The following SYT10 variants were observed in gnomAD, a reference collection of about 807,000 sequenced individuals.
SYT10 encodes synaptotagmin 10.
A neutral mutation model predicts 51.1 loss-of-function variants in SYT10; 31 were observed. That is an observed-to-expected ratio of 0.61 (90% CI 0.46 to 0.82). The LOEUF is 0.82. SYT10 is among the 40% of genes least tolerant of loss of function. The probability of loss-of-function intolerance (pLI) is 0.00; values close to 1 mark genes in which losing one functional copy is unlikely to be tolerated. For missense variants in SYT10, 603 were observed against 634.0 expected (o/e 0.95, Z 0.53); for synonymous variants, 233 against 225.9 (o/e 1.03, Z -0.28).
At chr12:33,414,634 G>T (rs2138422429) in intron 2 of SYT10, among the ~76,000 whole-genome samples, 1 of 152,318 alleles carries the variant, frequency 6.6e-6, no homozygotes, top group Non-Finnish European at 1.5e-5. Context: ...AAACCAGTGA[G>T]AACAAAGCCA....
At chr12:33,418,011 T>C (rs1455256844) in intron 2 of SYT10, among the ~76,000 whole-genome samples, 2 of 152,342 alleles carry the variant, frequency 1.3e-5, no homozygotes, top group South Asian at 2.1e-4. Context: ...TTCTCTAACA[T>C]ATTTGCAGCA....
chr12:33,434,612 C>T (rs1260186424), intron 1 of SYT10, among the ~76,000 whole-genome samples: 1 of 151,984 alleles, frequency 6.6e-6, no homozygotes, highest in Non-Finnish European at 1.5e-5. Context: ...GAGACCAGCC[C>T]GGCCAACATG....
intron 2 of SYT10, among the ~76,000 whole-genome samples, chr12:33,417,361 A>G (rs1245538789): frequency 6.6e-6 from 1 of 152,188 alleles, no homozygotes; most frequent in Non-Finnish European, 1.5e-5. Flanking sequence ...CTAGCATATT[A>G]GCATACTCTG....
intron 1 of SYT10, among the ~76,000 whole-genome samples, chr12:33,434,593 C>G (rs1334511507): frequency 1.3e-5 from 2 of 152,110 alleles, no homozygotes; most frequent in Non-Finnish European, 1.5e-5. Context: ...CACCTGAGGT[C>G]GGGAGTTGGA....
chr12:33,432,863 T>C (rs1866608135), intron 1 of SYT10: 1 of 152,140 alleles, frequency 6.6e-6, no homozygotes, highest in African/African-American at 2.4e-5. Flanking sequence ...TTCCTTTCTA[T>C]TCCCCTTAGG....
intron 2 of SYT10, among the ~76,000 whole-genome samples, chr12:33,414,681 T>A (rs1378526212): frequency 2.0e-5 from 3 of 152,084 alleles, no homozygotes; most frequent in Non-Finnish European, 2.9e-5. Context: ...TTGAAAGCAG[T>A]GTGTAGAAGG....
At position 33,439,484 on chromosome 12, in the gene SYT10, G is replaced by A; in HGVS notation, c.39C>T (p.Cys13=). The part of the protein sequence containing the change: ...FHKEDGVNSL[C]QKALHIVTEL... ...CGGTGACGATGTGCAGAGCCTTCTGGCACAGACTGTTCACTCCGTCCTCCT... is the reference window on the plus strand; with the variant it reads ...CGGTGACGATGTGCAGAGCCTTCTGACACAGACTGTTCACTCCGTCCTCCT... The change falls in exon 1 of 7, where the codon TGC becomes TGT. Residue 13 remains cysteine, a synonymous_variant. Coordinates refer to ENST00000228567, the MANE Select transcript of SYT10 (RefSeq NM_198992.4). 1.2e-6 allele frequency: 2 copies of A among 1,614,196 alleles called. No individual in the cohort carries two copies. The highest frequency in any genetic ancestry group is 1.7e-6 in the Non-Finnish European group (2 of 1,180,012).
chr12:33,425,934 C>T (rs1866546744), intron 2 of SYT10, among the ~76,000 whole-genome samples: 4 of 151,818 alleles, frequency 2.6e-5, no homozygotes, highest in Admixed American at 2.6e-4. Flanking sequence ...TCCTTAGTTT[C>T]TCTCTCTCTG....
intron 3 of SYT10, among the ~76,000 whole-genome samples, chr12:33,397,455 C>T (rs1186359403): frequency 6.6e-6 from 1 of 152,154 alleles, no homozygotes; most frequent in Admixed American, 6.5e-5. Flanking sequence ...CATAGACAGC[C>T]TGAGGTTTTC....
chr12:33,379,017 G>A (rs1410310853), intron 6 of SYT10, among the ~76,000 whole-genome samples: 2 of 152,082 alleles, frequency 1.3e-5, no homozygotes, highest in African/African-American at 2.4e-5. Context: ...CCCTTAACAC[G>A]TCCTGAGTAA....
intron 2 of SYT10, 80 bp from the exon 3 acceptor site, chr12:33,407,436 TC>T (rs2138415975): frequency 7.0e-7 from 1 of 1,425,360 alleles, no homozygotes; most frequent in African/African-American, 1.4e-5. Flanking sequence ...TATAAACTCT[TC>T]CCCACCCCCA....
intron 3 of SYT10, among the ~76,000 whole-genome samples, chr12:33,387,808 AGTG>A (rs2086658297): frequency 6.8e-6 from 1 of 147,178 alleles, no homozygotes; most frequent in Non-Finnish European, 1.5e-5. Flanking sequence ...GGAGGGCAGT[AGTG>A]CAACCATTGC....
At chr12:33,426,592 G>C in intron 1 of SYT10, 97 bp from the exon 2 acceptor site, 2 of 1,096,418 alleles carry the variant, frequency 1.8e-6, no homozygotes, top group Non-Finnish European at 2.5e-6. Context: ...ATTATTTCCT[G>C]ATTCAGAATT....
chr12:33,439,421 G>A lies in SYT10; in HGVS notation c.102C>T (p.Cys34=). The change falls in exon 1 of 7, where the codon TGC becomes TGT. Residue 34 remains cysteine (C), a synonymous_variant. Coordinates refer to ENST00000228567, the MANE Select transcript of SYT10 (RefSeq NM_198992.4). ...CCCTGTCCCGAGGGAAGATGCCCGA[G>A]CACTTCTCCCACTCCACCTGGCCGG... ...CFAGQVEWEK[C]SGIFPRDRGS... is the part of the protein sequence containing the mutation. 6.2e-7 allele frequency: 1 copy of A among 1,614,176 alleles called. No individual in the cohort carries two copies. Among genetic ancestry groups the A allele is most frequent in the South Asian group, 1.1e-5 (1 of 91,090 alleles).
rs1432327206 is a variant in SYT10, at chr12:33,375,923, G to A, written c.*907C>T. 1.3e-5 allele frequency: 2 copies of A among 152,456 alleles called. No individual in the cohort carries two copies. The highest frequency in any genetic ancestry group is 1.5e-5 in the Non-Finnish European group (1 of 68,004). The allele number at this position is 152,456 out of a possible 1,614,324, so 9.4% of individuals were successfully genotyped here. On this transcript the variant is annotated 3_prime_UTR_variant, in exon 7 of 7. Transcript: ENST00000228567. Reference sequence around the variant, plus strand: ...TCTATCAGAAATACAGGATCTATATGATAGCTTCAAGTCACAAAAAATACA... The same window carrying A: ...TCTATCAGAAATACAGGATCTATATAATAGCTTCAAGTCACAAAAAATACA...
intron 3 of SYT10, among the ~76,000 whole-genome samples, chr12:33,393,221 C>A (rs1866225567): frequency 6.6e-6 from 1 of 151,840 alleles, no homozygotes; most frequent in Non-Finnish European, 1.5e-5. Context: ...GGGAATAGCC[C>A]AACATAGATA....
chr12:33,383,293 A>T (rs940161119), intron 4 of SYT10, among the ~76,000 whole-genome samples: 1 of 151,416 alleles, frequency 6.6e-6, no homozygotes, highest in African/African-American at 2.4e-5. Flanking sequence ...TTTGCTATCA[A>T]TTTTTTTTTC....
intron 2 of SYT10, 49 bp from the exon 3 acceptor site, chr12:33,407,405 T>C (rs1419692142): frequency 1.9e-6 from 3 of 1,571,408 alleles, no homozygotes; most frequent in South Asian, 1.2e-5. Flanking sequence ...ATCATTTTGA[T>C]GAGAATGTTA....
At chr12:33,400,633 G>A (rs945989748) in intron 3 of SYT10, among the ~76,000 whole-genome samples, 3 of 152,090 alleles carry the variant, frequency 2.0e-5, no homozygotes, top group Admixed American at 6.6e-5. Context: ...GCAAATGAAG[G>A]TAGTTATGTT....
Sources: allele counts gnomAD v4.1 joint callset (sites outside exome capture counted in the v4.1 genomes callset), GRCh38; gene constraint gnomAD v4.1.1; transcripts MANE v1.5; gene names NCBI Gene and HGNC (gene_info 2026-07-23, HGNC 2026-07-21).